The following RGL1 variants were observed in gnomAD, a reference collection of about 807,000 sequenced individuals.
RGL1 encodes the protein ral guanine nucleotide dissociation stimulator like 1.
Under a neutral mutation model 95.2 loss-of-function variants are expected in RGL1, and 24 were observed. The observed-to-expected ratio is 0.25, with a 90% CI of 0.18 to 0.35. The LOEUF is 0.35. Ranked by LOEUF, RGL1 falls within the 10% of genes least tolerant of loss-of-function variation. The probability of loss-of-function intolerance (pLI) is 1.00; values close to 1 mark genes in which losing one functional copy is unlikely to be tolerated. For missense variants in RGL1, 715 were observed against 936.3 expected (o/e 0.76, Z 3.08); for synonymous variants, 329 against 344.9 (o/e 0.95, Z 0.51).
chr1:183,780,691 G>A (rs992951566), intron 2 of RGL1, among the ~76,000 whole-genome samples: 1 of 152,200 alleles, frequency 6.6e-6, no homozygotes, highest in Non-Finnish European at 1.5e-5. Context: ...ACAACAAAAG[G>A]TGTATGATAG....
chr1:183,812,307 G>T (rs1661777018), intron 2 of RGL1, among the ~76,000 whole-genome samples: 1 of 152,208 alleles, frequency 6.6e-6, no homozygotes, highest in Non-Finnish European at 1.5e-5. Flanking sequence ...TTGCCAATGG[G>T]TGTGGCTATC....
intron 1 of RGL1, among the ~76,000 whole-genome samples, chr1:183,805,980 T>A: frequency 3.5e-5 from 1 of 28,512 alleles, no homozygotes; most frequent in Admixed American, 3.8e-4. Flanking sequence ...TCTTTTTTTT[T>A]TTTTTTTTTT....
At chr1:183,688,606 T>C (rs1462963056) in intron 1 of RGL1, among the ~76,000 whole-genome samples, 1 of 152,196 alleles carries the variant, frequency 6.6e-6, no homozygotes, top group Non-Finnish European at 1.5e-5. Context: ...TAAGCCAGAC[T>C]ATTGATGCAT....
chr1:183,649,483 T>C (rs1337929441), intron 1 of RGL1, among the ~76,000 whole-genome samples: 2 of 152,186 alleles, frequency 1.3e-5, no homozygotes, highest in Admixed American at 1.3e-4. Context: ...CTGGAAATAA[T>C]TTGGAGGTTT....
intron 1 of RGL1, among the ~76,000 whole-genome samples, chr1:183,645,752 C>T (rs1393932234): frequency 6.6e-6 from 1 of 152,196 alleles, no homozygotes; most frequent in East Asian, 1.9e-4. Flanking sequence ...GATGAACTAG[C>T]CCACATTTCT....
At chr1:183,911,223 A>C (rs1006903613) in intron 14 of RGL1, among the ~76,000 whole-genome samples, 11 of 152,260 alleles carry the variant, frequency 7.2e-5, no homozygotes, top group Admixed American at 2.6e-4. Flanking sequence ...AATTGGAGTG[A>C]GGCACAGACC....
At chr1:183,913,045 C>T (rs1347119621) in intron 15 of RGL1, among the ~76,000 whole-genome samples, 1 of 152,114 alleles carries the variant, frequency 6.6e-6, no homozygotes, top group East Asian at 1.9e-4. Context: ...AGGATACATT[C>T]TCCCATGTTG....
chr1:183,812,315 A>C (rs1661777696), intron 2 of RGL1, among the ~76,000 whole-genome samples: 1 of 152,208 alleles, frequency 6.6e-6, no homozygotes, highest in Admixed American at 6.5e-5. Context: ...GGGTGTGGCT[A>C]TCTCAAGACG....
intron 1 of RGL1, among the ~76,000 whole-genome samples, chr1:183,645,017 C>T (rs1455976750): frequency 6.6e-6 from 1 of 152,090 alleles, no homozygotes; most frequent in African/African-American, 2.4e-5. Flanking sequence ...TTGTGCATAC[C>T]CCATCCACCA....
intron 3 of RGL1, among the ~76,000 whole-genome samples, chr1:183,865,629 A>G (rs1359103256): frequency 2.6e-5 from 4 of 152,144 alleles, no homozygotes; most frequent in Admixed American, 2.0e-4. Context: ...GAGGGGTTGG[A>G]CGGGAGGGTT....
chr1:183,772,865 C>T (rs866400868), intron 2 of RGL1, among the ~76,000 whole-genome samples: 10 of 151,124 alleles, frequency 6.6e-5, no homozygotes, highest in African/African-American at 1.2e-4. Flanking sequence ...AAAAATTAGC[C>T]GGGCGCGGTG....
chr1:183,687,302 G>A (rs561923522), intron 1 of RGL1, among the ~76,000 whole-genome samples: 1 of 152,294 alleles, frequency 6.6e-6, no homozygotes, highest in African/African-American at 2.4e-5. Context: ...AACACTGCTG[G>A]CAGGTAGGTT....
chr1:183,878,150 TTCTA>T (rs751622115), intron 4 of RGL1, among the ~76,000 whole-genome samples: 12,052 of 111,428 alleles, frequency 0.11, 544 homozygotes, highest in African/African-American at 0.14. Flanking sequence ...TTGATTTTCT[TTCTA>T]TCTATCTATC....
intron 1 of RGL1, among the ~76,000 whole-genome samples, chr1:183,717,682 C>T (rs952626530): frequency 1.3e-5 from 2 of 152,110 alleles, no homozygotes; most frequent in African/African-American, 4.8e-5. Flanking sequence ...TGTGTGTACT[C>T]GGGTGATGAT....
At chr1:183,754,917 T>C (rs1395751351) in intron 2 of RGL1, 2 of 152,248 alleles carry the variant, frequency 1.3e-5, no homozygotes, top group Admixed American at 1.3e-4. Flanking sequence ...ATTTACCTTT[T>C]GGCTTTTAAG....
At chr1:183,877,387 A>T (rs1333674297) in intron 4 of RGL1, among the ~76,000 whole-genome samples, 1 of 152,292 alleles carries the variant, frequency 6.6e-6, no homozygotes, top group South Asian at 2.1e-4. Context: ...TTTCATCATT[A>T]TTTTGCGATG....
intron 7 of RGL1, among the ~76,000 whole-genome samples, chr1:183,886,035 T>G (rs1667090204): frequency 6.6e-6 from 1 of 152,106 alleles, no homozygotes; most frequent in African/African-American, 2.4e-5. Context: ...TATTAATTTG[T>G]GTTCTGGGCT....
chr1:183,731,752 G>A (rs1389355503), intron 1 of RGL1, among the ~76,000 whole-genome samples: 1 of 152,056 alleles, frequency 6.6e-6, no homozygotes, highest in South Asian at 2.1e-4. Context: ...ATCTGGATGG[G>A]GAATTAATAC....
intron 2 of RGL1, among the ~76,000 whole-genome samples, chr1:183,777,758 C>T (rs1314212662): frequency 2.6e-5 from 4 of 152,214 alleles, no homozygotes; most frequent in Non-Finnish European, 4.4e-5. Flanking sequence ...GCTTTGCAAA[C>T]TCTAATTACA....
Sources: gnomAD v4.1 joint callset for allele counts (sites outside exome capture counted in the v4.1 genomes callset) on GRCh38, gnomAD v4.1.1 for gene constraint, MANE v1.5 for transcripts, NCBI Gene and HGNC (gene_info 2026-07-23, HGNC 2026-07-21) for gene names.